KCNAB2: variants seen among roughly 807,000 people sequenced by gnomAD.
The protein encoded by KCNAB2 is potassium voltage-gated channel subfamily A regulatory beta subunit 2, also known as voltage-gated potassium channel subunit beta-2.
KCNAB2 carries 29 observed loss-of-function variants against 63.6 expected under a neutral mutation model. The observed-to-expected ratio is 0.46, with a 90% confidence interval of 0.34 to 0.62. KCNAB2 has a LOEUF of 0.62. Ranked by LOEUF, KCNAB2 falls within the 20% of genes least tolerant of loss-of-function variation. KCNAB2 has a pLI of 0.01. For missense variants in KCNAB2, 359 were observed against 563.9 expected (o/e 0.64, Z 3.68); for synonymous variants, 222 against 224.2 (o/e 0.99, Z 0.09).
At chr1:6,062,040 C>T (rs1052689396) in intron 2 of KCNAB2, among the ~76,000 whole-genome samples, 10 of 152,114 alleles carry the variant, frequency 6.6e-5, no homozygotes, top group African/African-American at 9.7e-5. Flanking sequence ...CAGCCAAGCG[C>T]GGTGGCTCAC....
At chr1:6,042,428 A>G (rs2100468753), upstream of KCNAB2, among the ~76,000 whole-genome samples, 1 of 152,300 alleles carries the variant, frequency 6.6e-6, no homozygotes, top group African/African-American at 2.4e-5. Flanking sequence ...GCACCTGGCG[A>G]GAGACTGTGC....
At chr1:6,041,743 C>G, upstream of KCNAB2, 2 of 1,188,480 alleles carry the variant, frequency 1.7e-6, no homozygotes, top group East Asian at 4.7e-5. Flanking sequence ...TTCTTTCTGA[C>G]CTGCACCTGC....
chr1:6,032,152 A>G (rs1315271331), upstream of KCNAB2, among the ~76,000 whole-genome samples: 7 of 152,202 alleles, frequency 4.6e-5, no homozygotes, highest in African/African-American at 1.7e-4. Context: ...TTCAGAGCTC[A>G]AACTGGCAAC....
Position 6,051,606 on chromosome 1 carries a change from C to T in KCNAB2, c.70C>T (p.His24Tyr), listed in dbSNP as rs1263018344. Reference sequence around the variant, plus strand: ...CAGGTGCCACTCTGAATGGGCCCTGCACCCCGTCCGCCAGACGGACACGCT... The same window carrying T: ...CAGGTGCCACTCTGAATGGGCCCTGTACCCCGTCCGCCAGACGGACACGCT... Reference protein sequence around the residue: ...SSRCHSEWALHPVRQTDTLEL... With the variant: ...SSRCHSEWALYPVRQTDTLEL... Residue 24 changes from histidine to tyrosine, a missense_variant, in exon 2 of 16, where the codon CAC (histidine) becomes TAC (tyrosine). Physicochemically the swap from His to Tyr is moderately conservative, Grantham distance 83 (BLOSUM62 2). This residue lies in a region of KCNAB2 where 88 missense variants were observed against 87.8 expected (regional missense o/e 1.00). Coordinates refer to ENST00000378083, the MANE Select transcript of KCNAB2 (RefSeq NM_001199862.2). 11 of 1,534,772 alleles carry T rather than the reference C, an allele frequency of 7.2e-6. No individual in the cohort carries two copies. The highest frequency in any genetic ancestry group is 8.7e-7 in the Non-Finnish European group (1 of 1,146,660).
chr1:6,076,471 C>G lies in KCNAB2; in HGVS notation c.300+2701C>G, dbSNP rs561118278. On this transcript the variant is annotated intron_variant, in intron 4 of 15. Transcript: ENST00000378083. ...ACACTCCCCATTAGAAGCATGTGTT[C>G]AAGACAAGCTGGACAATAAAAATTT... Among the ~76,000 whole-genome samples the G allele has an allele frequency of 8.5e-5, 13 of 152,320 alleles. 1 individual carries two copies. The highest frequency in any genetic ancestry group is 6.8e-3 in the Middle Eastern group (2 of 294).
Position 6,051,726 on chromosome 1 carries a change from A to C in KCNAB2, c.190A>C (p.Thr64Pro), listed in dbSNP as rs991466278. ...RMHGLSLDGC[T>P]AQRTGMKYRN... ...GCACGGCCTTTCCCTGGACGGCTGC[A>C]CCGCCCAGCGCACAGGCATGAAGTA... Residue 64 changes from threonine to proline, a missense_variant, in exon 2 of 16, where the codon ACC becomes CCC. By Grantham distance (38) the Thr-to-Pro change is conservative (BLOSUM62 -1). Around this residue, in one of 2 missense-constraint regions of KCNAB2, gnomAD observed 271 missense variants for 476.1 expected, o/e 0.57. Transcript: ENST00000378083. 2.0e-6 allele frequency: 3 copies of C among 1,533,390 alleles called. No homozygotes were observed. The highest frequency in any genetic ancestry group is 2.6e-6 in the Non-Finnish European group (3 of 1,146,608). The allele number at this position is 1,533,390 out of a possible 1,614,324, so 95.0% of individuals were successfully genotyped here. A position where few individuals can be genotyped will look rare whatever the true frequency, so the allele number is the denominator to read the frequency against.
chr1:6,074,359 G>T lies in KCNAB2; in HGVS notation c.300+589G>T, dbSNP rs1166825194. ...ACACTAACAAAAAGCCAGCTTGTAT[G>T]CCGCCAGCGCCTCTGGGTCTCTCGG... On this transcript the variant is annotated intron_variant, in intron 4 of 15. Transcript: ENST00000378083. This position sits in a 1 kb window ranked among gnomAD's most constrained non-coding sequence, Gnocchi z 4.9. 6.6e-6 allele frequency among the ~76,000 whole-genome samples: 1 copy of T among 152,234 alleles called. No individual in the cohort carries two copies. The highest frequency in any genetic ancestry group is 6.5e-5 in the Admixed American group (1 of 15,280).
At chr1:6,063,294 A>G (rs1218439021) in intron 2 of KCNAB2, among the ~76,000 whole-genome samples, 1 of 151,884 alleles carries the variant, frequency 6.6e-6, no homozygotes, top group Non-Finnish European at 1.5e-5. Flanking sequence ...AAGTTCTGGG[A>G]TTACAAGTGT....
chr1:6,086,486 G>A lies in KCNAB2; in HGVS notation c.426-981G>A. On this transcript the variant is annotated intron_variant, in intron 6 of 15. Coordinates refer to ENST00000378083, the MANE Select transcript of KCNAB2 (RefSeq NM_001199862.2). The surrounding 1 kb of genome is among the most constrained non-coding windows in gnomAD (Gnocchi z 4.2). ...GTGGCCGATGCTTCGGGGCAGAGGA[G>A]GCCTCCTACTCCAGCCTCGTGAGCT... 1 of 672,582 alleles carries A rather than the reference G, an allele frequency of 1.5e-6. No homozygotes were observed. Among genetic ancestry groups the A allele is most frequent in the Non-Finnish European group, 1.8e-6 (1 of 544,206 alleles). 41.7% of individuals were successfully genotyped at this position (672,582 alleles called of 1,614,324 possible).
At chr1:6,093,722 G>A (rs1665384709) in intron 10 of KCNAB2, among the ~76,000 whole-genome samples, 2 of 152,330 alleles carry the variant, frequency 1.3e-5, no homozygotes, top group South Asian at 2.1e-4. Context: ...GGCGGGTTGG[G>A]ACTCTGGCCT....
chr1:6,041,336 G>T (rs984024856), upstream of KCNAB2: 2 of 174,186 alleles, frequency 1.1e-5, no homozygotes, highest in Admixed American at 1.2e-4. Context: ...GACCTTTCCG[G>T]ATAATCACTG....
At chr1:6,084,826 G>C (rs947229018) in intron 5 of KCNAB2, among the ~76,000 whole-genome samples, 18 of 150,952 alleles carry the variant, frequency 1.2e-4, no homozygotes, top group African/African-American at 4.4e-4. Flanking sequence ...AAAAAAACAA[G>C]ATACTTCTCT....
rs1157870213 is a variant in KCNAB2, at chr1:6,005,439, T to C, written c.-53+12651T>C. 6.1e-5 allele frequency among the ~76,000 whole-genome samples: 8 copies of C among 131,280 alleles called. 1 individual carries two copies. Among genetic ancestry groups the C allele is most frequent in the African/African-American group, 2.2e-4 (7 of 31,410 alleles). 86.1% of individuals were successfully genotyped at this position (131,280 alleles called of 152,430 possible). A position where few individuals can be genotyped will look rare whatever the true frequency, so the allele number is the denominator to read the frequency against. On this transcript the variant is annotated intron_variant, in intron 1 of 16. Coordinates refer to the KCNAB2 transcript ENST00000341524. ...GGGTGGAGTTGTGGGTTGTGTGAGC[T>C]GAGCTGAGGGGTGAGGGTGGAGGCG...
In KCNAB2 at chr1:6,078,092, G is replaced by A. The variant is rs1197278162; in HGVS notation, c.301-4103G>A. Among the ~76,000 whole-genome samples the A allele has an allele frequency of 6.6e-6, 1 of 151,184 alleles. No individual in the cohort carries two copies. The highest frequency in any genetic ancestry group is 2.4e-5 in the African/African-American group (1 of 40,956). On this transcript the variant is annotated intron_variant, in intron 4 of 15. Transcript: ENST00000378083. This position sits in a 1 kb window ranked among gnomAD's most constrained non-coding sequence, Gnocchi z 4.2. The stretch of plus-strand genomic sequence containing the variant: ...TAAGTCCAGGAGTCAGCCGGGCCGG[G>A]CTCCCTTCTCCAGGCCAGGACCCTT...
intron 1 of KCNAB2, among the ~76,000 whole-genome samples, chr1:6,022,584 T>A (rs1006897427): frequency 5.9e-5 from 9 of 152,100 alleles, no homozygotes; most frequent in African/African-American, 2.2e-4. Flanking sequence ...CCACCATCCA[T>A]CTCCAGAACC....
intron 1 of KCNAB2, among the ~76,000 whole-genome samples, chr1:6,020,244 G>T (rs181286161): frequency 2.6e-5 from 4 of 152,298 alleles, no homozygotes; most frequent in Non-Finnish European, 4.4e-5. Context: ...TGTAGAAATA[G>T]CTAGAAGCTA....
At chr1:6,067,859 G>A (rs1414943923) in intron 2 of KCNAB2, among the ~76,000 whole-genome samples, 4 of 152,096 alleles carry the variant, frequency 2.6e-5, no homozygotes, top group Admixed American at 2.6e-4. Context: ...ATGAAACCCT[G>A]TCTCTACCAA....
At chr1:6,056,917 CTGAGTGAG>C (rs1313896889) in intron 2 of KCNAB2, among the ~76,000 whole-genome samples, 1 of 151,920 alleles carries the variant, frequency 6.6e-6, no homozygotes, top group African/African-American at 2.4e-5. Context: ...AGCCCCTCTC[CTGAGTGAG>C]TGTCTTCCTC....
At chr1:6,005,378 TGAACTGGGGGA>T (rs1557922279) in intron 1 of KCNAB2, among the ~76,000 whole-genome samples, 1 of 5,328 alleles carries the variant, frequency 1.9e-4, no homozygotes. Context: ...GGAGTGAGGG[TGAACTGGGGGA>T]TGTGGGAGCT....
Sources: gnomAD v4.1 joint callset for allele counts (sites outside exome capture counted in the v4.1 genomes callset) on GRCh38, gnomAD v4.1.1 for gene constraint, gnomAD v4.1.1 regional missense constraint, Gnocchi (gnomAD v3.1) non-coding constraint, MANE v1.5 for transcripts, NCBI Gene and HGNC (gene_info 2026-07-23, HGNC 2026-07-21) for gene names.